The following NGEF variants were observed in gnomAD, a reference collection of about 807,000 sequenced individuals.
NGEF encodes ephexin-1.
A neutral mutation model predicts 80.9 loss-of-function variants in NGEF; 31 were observed. The observed-to-expected ratio is 0.38, with a 90% confidence interval of 0.29 to 0.52. NGEF has a LOEUF of 0.52. Among genes scored for constraint, NGEF ranks in the 20% least tolerant of loss-of-function variants. The pLI is 0.84. For synonymous variants in NGEF, 371 were observed against 370.2 expected (o/e 1.00, Z -0.03); for missense variants, 709 against 926.2 (o/e 0.77, Z 3.04).
At chr2:232,920,620 A>G in intron 4 of NGEF, 35 bp from the exon 5 acceptor site, 2 of 1,499,084 alleles carry the variant, frequency 1.3e-6, no homozygotes, top group South Asian at 2.7e-5. Flanking sequence ...GAAAAGGAAA[A>G]GATCTCAGAT....
intron 1 of NGEF, among the ~76,000 whole-genome samples, chr2:232,981,794 A>G (rs1256145878): frequency 6.6e-6 from 1 of 152,192 alleles, no homozygotes. Context: ...CTCTGCGTGA[A>G]TTACTATTTC....
Position 232,920,439 on chromosome 2 carries a change from C to T in NGEF, c.673G>A (p.Glu225Lys), listed in dbSNP as rs1415592015. Residue 225 changes from glutamate (E) to lysine (K), a missense_variant, in exon 5 of 15, where the codon GAG becomes AAG. By Grantham distance (56) the Glu-to-Lys change is moderately conservative (BLOSUM62 1). This residue lies in a region of NGEF where 283 missense variants were observed against 303.4 expected (regional missense o/e 0.93). Transcript: ENST00000264051. ...PEEEEEEEEE[E>K]EPASPPERKT... ...CTCTCTGGTGGGCTGGCCGGCTCCT[C>T]CTCCTCCTCCTCTTCTTCTTCCTCC... The T allele has an allele frequency of 1.9e-6, 3 of 1,613,858 alleles. No homozygotes were observed. The highest frequency in any genetic ancestry group is 2.2e-5 in the East Asian group (1 of 44,868).
At chr2:232,983,294 G>A (rs183216276) in intron 1 of NGEF, among the ~76,000 whole-genome samples, 29 of 152,182 alleles carry the variant, frequency 1.9e-4, no homozygotes, top group African/African-American at 5.8e-4. Flanking sequence ...CTACTACGCC[G>A]TGGCCACTTG....
At chr2:232,881,398 T>G in intron 13 of NGEF, 148 bp from the exon 14 acceptor site, 1 of 634,762 alleles carries the variant, frequency 1.6e-6, no homozygotes, top group South Asian at 1.9e-5. Flanking sequence ...AGGATTTGTT[T>G]CCATAGAAAA....
chr2:232,944,377 C>T (rs1271870811), intron 3 of NGEF, among the ~76,000 whole-genome samples: 2 of 152,086 alleles, frequency 1.3e-5, no homozygotes, highest in East Asian at 3.9e-4. Flanking sequence ...TTCATTGTGG[C>T]ATTATTTTTG....
chr2:232,936,727 T>C (rs1693332035), intron 3 of NGEF, among the ~76,000 whole-genome samples: 1 of 152,178 alleles, frequency 6.6e-6, no homozygotes, highest in South Asian at 2.1e-4. Context: ...GAGTAGAACT[T>C]TTCTGGACTT....
At chr2:232,903,478 C>T (rs558113234) in intron 5 of NGEF, among the ~76,000 whole-genome samples, 1 of 152,100 alleles carries the variant, frequency 6.6e-6, no homozygotes, top group African/African-American at 2.4e-5. Flanking sequence ...ATGTGTCTGA[C>T]GAGGGAACTG....
rs966767114 is a variant in NGEF at position 232,989,185 on chromosome 2, T to A, written c.-74-14221A>T. Among the ~76,000 whole-genome samples the A allele has an allele frequency of 3.3e-5, 5 of 152,140 alleles. No homozygotes were observed. In the East Asian group the frequency reaches 9.6e-4, roughly 29 times the overall value. On this transcript the variant is annotated intron_variant, in intron 1 of 14. Coordinates refer to ENST00000264051, the MANE Select transcript of NGEF (RefSeq NM_019850.3). ...TATGTCGGCCAGGTGCGGTGGCTCA[T>A]GTCTGTAATCCCAGCACTTTGGGAG...
intron 3 of NGEF, among the ~76,000 whole-genome samples, chr2:232,967,232 T>C (rs1027243993): frequency 6.6e-6 from 1 of 152,170 alleles, no homozygotes; most frequent in African/African-American, 2.4e-5. Context: ...CCTTTTGCCT[T>C]CTACCAGGAT....
rs78056402 is a variant in NGEF, at chr2:232,994,439, C to T, written c.-75+18629G>A. ...AATAGAAGTTTTGAACACTGGTTAACAGTTGGGGAAAAATGTCAACTTAAG... is the reference window on the plus strand; with the variant it reads ...AATAGAAGTTTTGAACACTGGTTAATAGTTGGGGAAAAATGTCAACTTAAG... On this transcript the variant is annotated intron_variant, in intron 1 of 14. Transcript: ENST00000264051. Among the ~76,000 whole-genome samples, 89 of 151,098 alleles carry T rather than the reference C, an allele frequency of 5.9e-4. 1 individual carries two copies. Among genetic ancestry groups the T allele is most frequent in the African/African-American group, 2.1e-3 (86 of 41,142 alleles).
intron 13 of NGEF, 41 bp downstream of exon 13, chr2:232,882,145 C>T (rs752443821): frequency 1.3e-6 from 2 of 1,583,214 alleles, no homozygotes; most frequent in Admixed American, 1.7e-5. Context: ...GCAGGGCCAG[C>T]CCAAGGACAA....
chr2:232,885,396 G>C (rs760574384), intron 9 of NGEF, 27 bp from the exon 10 acceptor site: 25 of 1,597,984 alleles, frequency 1.6e-5, no homozygotes, highest in Non-Finnish European at 2.0e-5. Flanking sequence ...GGCACATCAG[G>C]CCACCAAAGC....
At chr2:233,003,365 C>G (rs992487143) in intron 1 of NGEF, among the ~76,000 whole-genome samples, 1 of 152,222 alleles carries the variant, frequency 6.6e-6, no homozygotes, top group Non-Finnish European at 1.5e-5. Context: ...ATTTCTGATC[C>G]TTCCTGAATT....
intron 5 of NGEF, among the ~76,000 whole-genome samples, chr2:232,904,947 T>A (rs1173381756): frequency 6.6e-6 from 1 of 152,018 alleles, no homozygotes; most frequent in Non-Finnish European, 1.5e-5. Flanking sequence ...TGTCTCTAAA[T>A]AAAAAAACAA....
intron 3 of NGEF, among the ~76,000 whole-genome samples, chr2:232,954,022 A>G (rs1693739794): frequency 6.6e-6 from 1 of 152,186 alleles, no homozygotes; most frequent in South Asian, 2.1e-4. Context: ...GCCACTAACT[A>G]TAAAAAAATC....
At chr2:232,911,016 C>A (rs982303199) in intron 5 of NGEF, among the ~76,000 whole-genome samples, 1 of 152,130 alleles carries the variant, frequency 6.6e-6, no homozygotes, top group Non-Finnish European at 1.5e-5. Context: ...CCAACTGATC[C>A]ATTTTTTTGT....
At position 232,990,208 on chromosome 2, in the gene NGEF, T is replaced by C. The variant is rs185680495; in HGVS notation, c.-74-15244A>G. On this transcript the variant is annotated intron_variant, in intron 1 of 14. Coordinates refer to ENST00000264051, the MANE Select transcript of NGEF (RefSeq NM_019850.3). ...AGAATTACAAGTAATTCAGCCTAGG[T>C]CCTGAATAAGATAGACTCACTGTAT... Among the ~76,000 whole-genome samples the C allele has an allele frequency of 7.2e-5, 11 of 152,196 alleles. No individual in the cohort carries two copies. In the East Asian group the frequency reaches 2.1e-3, roughly 29 times the overall value.
intron 9 of NGEF, among the ~76,000 whole-genome samples, chr2:232,886,283 T>C (rs1487205290): frequency 6.6e-6 from 1 of 151,234 alleles, no homozygotes; most frequent in Non-Finnish European, 1.5e-5. Flanking sequence ...CGTGTATGTG[T>C]GTGTGCGTGC....
At chr2:232,987,063 C>G (rs1184994951) in intron 1 of NGEF, among the ~76,000 whole-genome samples, 1 of 152,018 alleles carries the variant, frequency 6.6e-6, no homozygotes, top group Admixed American at 6.6e-5. Flanking sequence ...GTTGCCCAGG[C>G]TGGAGTGCAG....
Sources: allele counts gnomAD v4.1 joint callset (sites outside exome capture counted in the v4.1 genomes callset), GRCh38; gene constraint gnomAD v4.1.1; regional missense constraint gnomAD v4.1.1; transcripts MANE v1.5; gene names NCBI Gene and HGNC (gene_info 2026-07-23, HGNC 2026-07-21).